Variants in HNRNPH1 observed in about 807,000 individuals in gnomAD.
HNRNPH1 encodes heterogeneous nuclear ribonucleoprotein H.
In HNRNPH1, 4 loss-of-function variants were observed where a neutral mutation model predicts 58.6. The observed-to-expected ratio is 0.07, with a 90% CI of 0.03 to 0.16. HNRNPH1 has a LOEUF of 0.16. Ranked by LOEUF, HNRNPH1 falls within the 10% of genes least tolerant of loss-of-function variation. HNRNPH1 has a pLI of 1.00. For synonymous variants in HNRNPH1, 192 were observed against 189.2 expected (o/e 1.01, Z -0.12); for missense variants, 271 against 564.2 (o/e 0.48, Z 5.26).
At chr5:179,615,679 T>C in intron 11 of HNRNPH1, 84 bp from the exon 13 acceptor site, 1 of 715,910 alleles carries the variant, frequency 1.4e-6, no homozygotes, top group Non-Finnish European at 2.4e-6. Flanking sequence ...ATAAAACCAA[T>C]CCTAGGTTAA....
At chr5:179,619,076 T>G (rs1771112057) in intron 4 of HNRNPH1, 193 bp downstream of exon 5, 1 of 482,504 alleles carries the variant, frequency 2.1e-6, no homozygotes, top group Non-Finnish European at 3.7e-6. Flanking sequence ...GCAGACCAAT[T>G]AACTAGGGAC....
chr5:179,625,860 C>G (rs918620714), upstream of HNRNPH1, among the ~76,000 whole-genome samples: 1 of 151,972 alleles, frequency 6.6e-6, no homozygotes, highest in East Asian at 1.9e-4. Context: ...CCTCTACCTT[C>G]TGGGCTCAAA....
rs528677819 is a variant in HNRNPH1 at position 179,622,537 on chromosome 5, C to G, written c.97+500G>C. On this transcript the variant is annotated intron_variant, in intron 1 of 12. Transcript: ENST00000356731. ...ACCAGCCTGGCCAAAATAGTGAAAC[C>G]CCGTCTCTACTAAAAATACAAAAAT... 1.6e-4 allele frequency among the ~76,000 whole-genome samples: 25 copies of G among 152,158 alleles called. No individual in the cohort carries two copies. In the South Asian group the frequency reaches 5.2e-3, roughly 32 times the overall value.
chr5:179,618,509 T>C (rs1012294075), intron 4 of HNRNPH1, 186 bp from the exon 6 acceptor site: 224 of 443,844 alleles, frequency 5.0e-4, no homozygotes, highest in Non-Finnish European at 7.9e-4. Context: ...AGTAAGACAA[T>C]GTAAACTTTA....
Position 179,618,269 on chromosome 5 carries a change from T to C in HNRNPH1, c.591A>G (p.Pro197=), listed in dbSNP as rs34431802. ...GCTGCATGGCCATAAGCTTTCGTGG[T>C]GGATCATAATGAGTTCTAACTTCAG... Residue 197 remains proline, a synonymous_variant, in exon 5 of 13, where the codon CCA becomes CCG. Transcript: ENST00000356731. 4,492 of 1,614,074 alleles carry C rather than the reference T, an allele frequency of 2.8e-3. 78 individuals carry two copies. In the African/African-American group the frequency reaches 0.047, roughly 17 times the overall value.
rs1770822706 is a variant in HNRNPH1, at chr5:179,618,477, A to G, written c.537-154T>C. 3 of 525,214 alleles carry G rather than the reference A, an allele frequency of 5.7e-6. No homozygotes were observed. The South Asian group carries it at 9.5e-5, about 17-fold the overall frequency. The allele number at this position is 525,214 out of a possible 1,614,324, so 32.5% of individuals were successfully genotyped here. ...ATTTCTTATATTTGCATAGGCAATGACCAGAAATTCACTCAATAAATAGTA... is the reference window on the plus strand; with the variant it reads ...ATTTCTTATATTTGCATAGGCAATGGCCAGAAATTCACTCAATAAATAGTA... On this transcript the variant is annotated intron_variant, in intron 4 of 12. Transcript: ENST00000356731.
chr5:179,630,823 A>G (rs1029024248), intron 2 of HNRNPH1, among the ~76,000 whole-genome samples: 1 of 150,958 alleles, frequency 6.6e-6, no homozygotes, highest in Non-Finnish European at 1.5e-5. Context: ...AGGCAGGAGA[A>G]TGGCGTGAAC....
At chr5:179,622,993 C>T in intron 1 of HNRNPH1, 44 bp downstream of exon 2, 2 of 838,706 alleles carry the variant, frequency 2.4e-6, no homozygotes, top group Non-Finnish European at 1.6e-6. Context: ...AGCCCGCCCG[C>T]CCCGGCCTCG....
upstream of HNRNPH1, among the ~76,000 whole-genome samples, chr5:179,628,911 A>G (rs1239571385): frequency 3.3e-5 from 5 of 152,232 alleles, no homozygotes; most frequent in African/African-American, 1.2e-4. Context: ...AACCCCAGAG[A>G]CAGAGGTTGC....
chr5:179,616,038 AAC>A (rs1368398197), intron 11 of HNRNPH1, 86 bp downstream of exon 12: 46 of 1,167,696 alleles, frequency 3.9e-5, no homozygotes, highest in Admixed American at 2.9e-4. Context: ...TAAGTACAGT[AAC>A]AGGCTTTACC....
intron 3 of HNRNPH1, chr5:179,619,617 T>C: frequency 2.8e-6 from 1 of 361,862 alleles, no homozygotes; most frequent in Non-Finnish European, 4.9e-6. Flanking sequence ...CATGGTACAG[T>C]ATATATTAAA....
exon 6 of HNRNPH1, chr5:179,618,030 T>C: frequency 6.2e-7 from 1 of 1,614,176 alleles, no homozygotes; most frequent in Non-Finnish European, 8.5e-7. Flanking sequence ...GCCATCATTA[T>C]AGCCATTGTA....
At chr5:179,622,419 A>G (rs892535932) in intron 1 of HNRNPH1, among the ~76,000 whole-genome samples, 1 of 152,222 alleles carries the variant, frequency 6.6e-6, no homozygotes, top group Admixed American at 6.5e-5. Context: ...CTTTCGAAAA[A>G]AGACACCCGG....
At chr5:179,625,963 A>T (rs577427405), upstream of HNRNPH1, among the ~76,000 whole-genome samples, 741 of 150,952 alleles carry the variant, frequency 4.9e-3, 6 homozygotes, top group African/African-American at 0.016. Flanking sequence ...TTATTTATTT[A>T]TTTTTTGTAG....
chr5:179,619,162 T>TTAC (rs1771156536), intron 4 of HNRNPH1, 107 bp downstream of exon 5: 1 of 971,950 alleles, frequency 1.0e-6, no homozygotes. Context: ...AAAACATCAA[T>TTAC]TACCTAGGAC....
chr5:179,625,689 G>C (rs1001652359), upstream of HNRNPH1, among the ~76,000 whole-genome samples: 3 of 150,760 alleles, frequency 2.0e-5, no homozygotes, highest in Admixed American at 1.3e-4. Context: ...ATAGTAGTAA[G>C]GTAGAATACA....
chr5:179,624,505 G>C, exon 1 of HNRNPH1: 1 of 398,690 alleles, frequency 2.5e-6, no homozygotes, highest in Non-Finnish European at 4.4e-6. Context: ...CCACGGGTGC[G>C]CGCCGGCCTC....
chr5:179,615,131 A>T, intron 12 of HNRNPH1, 172 bp from the exon 14 acceptor site: 1 of 580,446 alleles, frequency 1.7e-6, no homozygotes, highest in Non-Finnish European at 3.1e-6. Context: ...GCCTCAATTA[A>T]CCCCTTTTCT....
intron 2 of HNRNPH1, among the ~76,000 whole-genome samples, chr5:179,631,753 ATTT>A (rs909991846): frequency 6.6e-6 from 1 of 150,878 alleles, no homozygotes; most frequent in East Asian, 1.9e-4. Context: ...AAAAAAAAAA[ATTT>A]TTTTTTTAAA....
Sources: gnomAD v4.1 joint callset for allele counts (sites outside exome capture counted in the v4.1 genomes callset) on GRCh38, gnomAD v4.1.1 for gene constraint, MANE v1.5 for transcripts, NCBI Gene and HGNC (gene_info 2026-07-23, HGNC 2026-07-21) for gene names.